Variants in SLC26A5 observed in about 807,000 individuals in gnomAD.
SLC26A5 encodes solute carrier family 26 member 5.
In SLC26A5, 51 loss-of-function variants were observed where a neutral mutation model predicts 81.0. The ratio of observed to expected loss-of-function variants is 0.63; its 90% CI spans 0.50 to 0.80. The LOEUF is 0.80. Ranked by LOEUF, SLC26A5 falls within the 30% of genes least tolerant of loss-of-function variation. The pLI is 0.00. For missense variants in SLC26A5, 771 were observed against 905.8 expected, an observed-to-expected ratio of 0.85 and a Z score of 1.91; for synonymous variants, 325 against 332.8, an observed-to-expected ratio of 0.98 and a Z score of 0.25.
In SLC26A5 at chr7:103,378,434, A is replaced by G. The variant is rs1225371652; in HGVS notation, c.1785+12T>C. The G allele has an allele frequency of 6.2e-7, 1 of 1,611,866 alleles. No individual in the cohort carries two copies. The highest frequency in any genetic ancestry group is 1.1e-5 in the South Asian group (1 of 91,030). ...AGACAGAACGGATTATTTCAATGAAAAGACCACTCACTGCTTTGACAACAG... is the reference window on the plus strand; with the variant it reads ...AGACAGAACGGATTATTTCAATGAAGAGACCACTCACTGCTTTGACAACAG... On this transcript the variant is annotated intron_variant, in intron 17 of 19. Coordinates refer to ENST00000306312, the MANE Select transcript of SLC26A5 (RefSeq NM_198999.3).
chr7:103,374,705 C>G, intron 19 of SLC26A5, 113 bp from the exon 20 acceptor site: 1 of 814,270 alleles, frequency 1.2e-6, no homozygotes, highest in South Asian at 2.0e-5. Context: ...TTTTTTGTTT[C>G]TTTTTTTTTT....
In SLC26A5 at chr7:103,407,947, G is replaced by A. The variant is rs1824185518; in HGVS notation, c.792C>T (p.Val264=). ...VKNLNVCSLG[V]GLMVFGLLLG... ...ACAGCAAACCAAAAACCATCAGCCCGACGCCTAGGGAACACACGTTGAGGT... is the reference window on the plus strand; with the variant it reads ...ACAGCAAACCAAAAACCATCAGCCCAACGCCTAGGGAACACACGTTGAGGT... Residue 264 remains valine, a synonymous_variant, in exon 8 of 20, where the codon GTC becomes GTT. Transcript: ENST00000306312. 4 of 1,614,088 alleles carry A rather than the reference G, an allele frequency of 2.5e-6. No individual in the cohort carries two copies. Among genetic ancestry groups the A allele is most frequent in the Admixed American group, 1.7e-5 (1 of 60,020 alleles).
chr7:103,360,092 A>AG, intron 19 of SLC26A5, among the ~76,000 whole-genome samples: 1 of 152,114 alleles, frequency 6.6e-6, no homozygotes, highest in East Asian at 1.9e-4. Context: ...AAAAAAAAAA[A>AG]AGTTTTGTTT....
Position 103,407,902 on chromosome 7 carries a change from A to G in SLC26A5, c.837T>C (p.Asn279=), listed in dbSNP as rs1824181470. The G allele has an allele frequency of 6.2e-7, 1 of 1,614,170 alleles. No individual in the cohort carries two copies. Among genetic ancestry groups the G allele is most frequent in the African/African-American group, 1.3e-5 (1 of 75,038 alleles). ...CCGGCAATTTCTCTTTAAATCTCTCATTAAACTCCTTGCCACCCAACAGCA... is the reference window on the plus strand; with the variant it reads ...CCGGCAATTTCTCTTTAAATCTCTCGTTAAACTCCTTGCCACCCAACAGCA... ...FGLLLGGKEF[N]ERFKEKLPAP... The change falls in exon 8 of 20, where the codon AAT becomes AAC. Residue 279 remains asparagine (N), a synonymous_variant. Transcript: ENST00000306312.
intron 4 of SLC26A5, among the ~76,000 whole-genome samples, chr7:103,414,323 C>T (rs1450479881): frequency 6.6e-6 from 1 of 151,734 alleles, no homozygotes; most frequent in Non-Finnish European, 1.5e-5. Context: ...GTAGTTGGGA[C>T]TACAGGTGTG....
chr7:103,394,054 T>C (rs1822890772), intron 9 of SLC26A5, among the ~76,000 whole-genome samples: 1 of 152,208 alleles, frequency 6.6e-6, no homozygotes, highest in Non-Finnish European at 1.5e-5. Context: ...CAGCAACTTG[T>C]CCAAGGACAA....
At chr7:103,354,909 T>C in intron 19 of SLC26A5, 1 of 1,613,568 alleles carries the variant, frequency 6.2e-7, no homozygotes, top group Non-Finnish European at 8.5e-7. Context: ...AAGTTGAAGA[T>C]GACATTCAGC....
chr7:103,388,676 G>A lies in SLC26A5; in HGVS notation c.1514+332C>T. 1.4e-5 allele frequency: 5 copies of A among 358,492 alleles called. 1 individual carries two copies. The highest frequency in any genetic ancestry group is 8.6e-5 in the South Asian group (4 of 46,450). The allele number at this position is 358,492 out of a possible 1,614,324, so 22.2% of individuals were successfully genotyped here. A position where few individuals can be genotyped will look rare whatever the true frequency, so the allele number is the denominator to read the frequency against. ...ATTGAAACTCATGTCAGTACTTGGT[G>A]CCAAAACAAATCACAAGAGGATAAA... is the stretch of plus-strand genomic sequence containing the variant. On this transcript the variant is annotated intron_variant, in intron 14 of 19. Coordinates refer to ENST00000306312, the MANE Select transcript of SLC26A5 (RefSeq NM_198999.3).
intron 2 of SLC26A5, among the ~76,000 whole-genome samples, chr7:103,428,612 T>C (rs1490232340): frequency 6.7e-6 from 1 of 149,874 alleles, no homozygotes; most frequent in African/African-American, 2.5e-5. Context: ...GCCCAGGCTG[T>C]AGTGCAGTGG....
intron 8 of SLC26A5, among the ~76,000 whole-genome samples, chr7:103,405,577 C>T (rs185196986): frequency 1.3e-5 from 2 of 152,248 alleles, no homozygotes; most frequent in African/African-American, 4.8e-5. Context: ...AGAGGGGCAC[C>T]CGCCATATGC....
intron 2 of SLC26A5, among the ~76,000 whole-genome samples, chr7:103,434,622 T>C (rs1027939075): frequency 1.3e-4 from 20 of 151,340 alleles, no homozygotes; most frequent in Admixed American, 3.3e-4. Flanking sequence ...CAAAATTTGG[T>C]TGTGCATTCC....
chr7:103,396,749 C>T (rs911033373), intron 9 of SLC26A5, among the ~76,000 whole-genome samples: 4 of 152,048 alleles, frequency 2.6e-5, no homozygotes, highest in African/African-American at 7.2e-5. Flanking sequence ...CCTGGAGATA[C>T]GCTTTACAAT....
At chr7:103,374,751 G>A (rs776500765) in intron 19 of SLC26A5, among the ~76,000 whole-genome samples, 159 bp from the exon 20 acceptor site, 1 of 148,790 alleles carries the variant, frequency 6.7e-6, no homozygotes, top group Non-Finnish European at 1.5e-5. Context: ...CCAGGCTGGA[G>A]AGTAGTGGTG....
At chr7:103,422,872 T>A (rs1037046905) in intron 2 of SLC26A5, among the ~76,000 whole-genome samples, 1 of 152,126 alleles carries the variant, frequency 6.6e-6, no homozygotes, top group African/African-American at 2.4e-5. Context: ...TAAGTGCTTG[T>A]GTGGTGACTG....
At chr7:103,407,417 A>G (rs1824142587) in intron 8 of SLC26A5, among the ~76,000 whole-genome samples, 1 of 152,204 alleles carries the variant, frequency 6.6e-6, no homozygotes, top group African/African-American at 2.4e-5. Flanking sequence ...GGACCTAACT[A>G]CTTAATAAGT....
rs537511264 is a variant in SLC26A5, at chr7:103,384,447, C to CA, written c.1515-3899dup. Among the ~76,000 whole-genome samples, 1,021 of 151,982 alleles carry CA rather than the reference C, an allele frequency of 6.7e-3. 18 individuals are homozygous for CA. Among genetic ancestry groups the CA allele is most frequent in the African/African-American group, 0.023 (939 of 41,464 alleles). On this transcript the variant is annotated intron_variant, in intron 14 of 19. Coordinates refer to ENST00000306312, the MANE Select transcript of SLC26A5 (RefSeq NM_198999.3). ...CCAAGATGGTGAAACCCCATCTCTACAAAAAATACAAAAAATTAGCTGGGT... is the reference window on the plus strand; with the variant it reads ...CCAAGATGGTGAAACCCCATCTCTACAAAAAAATACAAAAAATTAGCTGGGT...
chr7:103,366,265 A>T, intron 19 of SLC26A5: 2 of 1,011,968 alleles, frequency 2.0e-6, no homozygotes, highest in Non-Finnish European at 3.0e-6. Flanking sequence ...TTTAACTCCA[A>T]CTCTTCTATG....
intron 16 of SLC26A5, among the ~76,000 whole-genome samples, chr7:103,378,889 T>G (rs1821561236): frequency 6.6e-6 from 1 of 152,080 alleles, no homozygotes; most frequent in African/African-American, 2.4e-5. Flanking sequence ...GGTGTAGGGT[T>G]GAGTTCTAAA....
rs1820827899 is a variant in SLC26A5, at chr7:103,368,285, C to CA, written c.2041+8522dup. ...ACCCGTTTAAGGATTTCACATCATA[C>CA]AAAGCGCTTGCTTAGATGGCTTCTA... On this transcript the variant is annotated intron_variant, in intron 19 of 19. Transcript: ENST00000339444. 1.2e-5 allele frequency: 5 copies of CA among 429,840 alleles called. No homozygotes were observed. In the East Asian group the frequency reaches 2.0e-4, roughly 18 times the overall value. The allele number at this position is 429,840 out of a possible 1,614,324, so 26.6% of individuals were successfully genotyped here. A position where few individuals can be genotyped will look rare whatever the true frequency, so the allele number is the denominator to read the frequency against.
Sources: gnomAD v4.1 joint callset for allele counts (sites outside exome capture counted in the v4.1 genomes callset) on GRCh38, gnomAD v4.1.1 for gene constraint, MANE v1.5 for transcripts, NCBI Gene and HGNC (gene_info 2026-07-23, HGNC 2026-07-21) for gene names.